CACNB2: variants seen among roughly 807,000 people sequenced by gnomAD.
The protein encoded by CACNB2 is voltage-dependent L-type calcium channel subunit beta-2.
A neutral mutation model predicts 73.3 loss-of-function variants in CACNB2; 42 were observed. The ratio of observed to expected loss-of-function variants is 0.57; its 90% CI spans 0.45 to 0.74. CACNB2 has a LOEUF of 0.74. Ranked by LOEUF, CACNB2 falls within the 30% of genes least tolerant of loss-of-function variation. The pLI is 0.00. For synonymous variants in CACNB2, 348 were observed against 310.3 expected (o/e 1.12, Z -1.28); for missense variants, 940 against 853.0 (o/e 1.10, Z -1.27).
At chr10:18,230,686 A>G (rs1041245070) in intron 2 of CACNB2, among the ~76,000 whole-genome samples, 3 of 152,202 alleles carry the variant, frequency 2.0e-5, no homozygotes, top group African/African-American at 7.2e-5. Context: ...TAGAAATCAG[A>G]CAGAGTATTA....
chr10:18,243,096 T>C (rs1250309462), intron 2 of CACNB2, among the ~76,000 whole-genome samples: 1 of 151,916 alleles, frequency 6.6e-6, no homozygotes, highest in African/African-American at 2.4e-5. Context: ...ACTTTCTAAG[T>C]TGTCAATATT....
At chr10:18,259,959 T>C (rs1291045243) in intron 2 of CACNB2, among the ~76,000 whole-genome samples, 3 of 152,152 alleles carry the variant, frequency 2.0e-5, no homozygotes, top group Non-Finnish European at 4.4e-5. Flanking sequence ...TAATTGTCTT[T>C]TATTTTTCCA....
chr10:18,516,798 G>GTA (rs992790284), intron 7 of CACNB2, among the ~76,000 whole-genome samples: 9 of 151,156 alleles, frequency 6.0e-5, no homozygotes, highest in African/African-American at 2.2e-4. Context: ...TGCTGTCACT[G>GTA]TATTATGTTT....
chr10:18,394,063 T>C (rs2043603269), intron 2 of CACNB2, among the ~76,000 whole-genome samples: 1 of 152,102 alleles, frequency 6.6e-6, no homozygotes, highest in African/African-American at 2.4e-5. Context: ...TGCCTCAGCC[T>C]CCCGAGTAGC....
intron 3 of CACNB2, among the ~76,000 whole-genome samples, chr10:18,492,227 A>G (rs2049479112): frequency 6.6e-6 from 1 of 152,186 alleles, no homozygotes; most frequent in South Asian, 2.1e-4. Flanking sequence ...ACCTCCTACC[A>G]GGCCCCACCT....
intron 2 of CACNB2, among the ~76,000 whole-genome samples, chr10:18,400,393 A>C (rs978449530): frequency 6.6e-6 from 1 of 152,218 alleles, no homozygotes; most frequent in African/African-American, 2.4e-5. Context: ...ACAGACACAC[A>C]TACCACGAGC....
chr10:18,293,428 G>A (rs934512310), intron 2 of CACNB2, among the ~76,000 whole-genome samples: 9 of 152,122 alleles, frequency 5.9e-5, no homozygotes, highest in Admixed American at 3.3e-4. Context: ...GAAAAGAGTC[G>A]TTTCAGAAGT....
At chr10:18,475,826 G>A (rs1237744082) in intron 3 of CACNB2, among the ~76,000 whole-genome samples, 1 of 152,084 alleles carries the variant, frequency 6.6e-6, no homozygotes. Context: ...GTGGGAACTG[G>A]GCTTGAAATG....
At chr10:18,518,266 T>G in intron 7 of CACNB2, 70 bp from the exon 8 acceptor site, 1 of 1,017,896 alleles carries the variant, frequency 9.8e-7, no homozygotes, top group Admixed American at 1.7e-5. Context: ...TCAGAAAGAG[T>G]ACCTTATACA....
rs143473366 is a variant in CACNB2, at chr10:18,303,559, C to T, written c.214-98365C>T. On this transcript the variant is annotated intron_variant, in intron 2 of 13. Transcript: ENST00000324631. The stretch of plus-strand genomic sequence containing the variant: ...AAAAAAGAAACACAATCCAGGGCCA[C>T]GTGTCTCAGATGTCACTTACTTCTC... 2.9e-3 allele frequency among the ~76,000 whole-genome samples: 448 copies of T among 152,204 alleles called. 1 individual carries two copies. The highest frequency in any genetic ancestry group is 0.01 in the African/African-American group (428 of 41,526).
intron 2 of CACNB2, among the ~76,000 whole-genome samples, chr10:18,272,752 G>C (rs538638518): frequency 6.6e-6 from 1 of 152,160 alleles, no homozygotes; most frequent in Non-Finnish European, 1.5e-5. Flanking sequence ...GCCTTCGGCC[G>C]TTGATTGTGA....
intron 3 of CACNB2, among the ~76,000 whole-genome samples, chr10:18,470,546 C>G (rs1463535592): frequency 6.6e-6 from 1 of 151,376 alleles, no homozygotes; most frequent in Non-Finnish European, 1.5e-5. Context: ...TTACGTTATT[C>G]TGTATATATT....
At chr10:18,147,672 G>C (rs143492623) in intron 1 of CACNB2, among the ~76,000 whole-genome samples, 2 of 152,198 alleles carry the variant, frequency 1.3e-5, no homozygotes, top group Non-Finnish European at 2.9e-5. Flanking sequence ...GTTCACAAAA[G>C]TAGCTGCACT....
At chr10:18,399,461 A>G (rs908699168) in intron 2 of CACNB2, among the ~76,000 whole-genome samples, 4 of 152,156 alleles carry the variant, frequency 2.6e-5, no homozygotes, top group African/African-American at 9.7e-5. Context: ...TGAAACCCCT[A>G]TTCTACGTAT....
intron 12 of CACNB2, among the ~76,000 whole-genome samples, chr10:18,537,236 C>T (rs937497987): frequency 1.3e-5 from 2 of 152,090 alleles, no homozygotes; most frequent in African/African-American, 4.8e-5. Context: ...GATCCATCCA[C>T]CTTGGCCTCC....
intron 1 of CACNB2, 21 bp downstream of exon 1, chr10:18,140,877 TCTC>T (rs751801887): frequency 3.8e-6 from 6 of 1,582,070 alleles, no homozygotes; most frequent in East Asian, 4.6e-5. Context: ...CGCGGCGCCT[TCTC>T]CTTCCTTTGT....
At chr10:18,355,843 G>T (rs2041887068) in intron 2 of CACNB2, among the ~76,000 whole-genome samples, 1 of 151,888 alleles carries the variant, frequency 6.6e-6, no homozygotes, top group Admixed American at 6.6e-5. Flanking sequence ...TCACCATCTT[G>T]ACCAGACTGG....
chr10:18,261,816 ATCCTG>A, intron 2 of CACNB2: 1 of 418,566 alleles, frequency 2.4e-6, no homozygotes, highest in South Asian at 1.8e-5. Context: ...CAGCTTTATC[ATCCTG>A]TGACTCTTTC....
intron 2 of CACNB2, among the ~76,000 whole-genome samples, chr10:18,372,231 G>A (rs12777923): frequency 6.6e-6 from 1 of 152,060 alleles, no homozygotes; most frequent in Non-Finnish European, 1.5e-5. Context: ...GTCAATTTTG[G>A]CTTTTGTTGC....
Sources: gnomAD v4.1 joint callset for allele counts (sites outside exome capture counted in the v4.1 genomes callset) on GRCh38, gnomAD v4.1.1 for gene constraint, MANE v1.5 for transcripts, NCBI Gene and HGNC (gene_info 2026-07-23, HGNC 2026-07-21) for gene names.